RBM20: variants seen among roughly 807,000 people sequenced by gnomAD.
The protein encoded by RBM20 is RNA binding motif protein 20, also known as RNA-binding protein 20.
Under a neutral mutation model 110.1 loss-of-function variants are expected in RBM20, and 51 were observed. The ratio of observed to expected loss-of-function variants is 0.46; its 90% confidence interval spans 0.37 to 0.59. The LOEUF (loss-of-function observed/expected upper bound fraction) is 0.59, where lower values mean the gene tolerates loss of function less well. RBM20 is among the 20% of genes least tolerant of loss of function. RBM20 has a pLI of 0.00. For missense variants in RBM20, 1,512 were observed against 1,574.9 expected, an observed-to-expected ratio of 0.96 and a Z score of 0.68; for synonymous variants, 589 against 618.2, an observed-to-expected ratio of 0.95 and a Z score of 0.70.
intron 1 of RBM20, among the ~76,000 whole-genome samples, chr10:110,708,989 T>C (rs1862883388): frequency 6.6e-6 from 1 of 152,236 alleles, no homozygotes; most frequent in Non-Finnish European, 1.5e-5. Flanking sequence ...AATTTTATTT[T>C]ATTTTGAGTC....
chr10:110,791,907 G>A (rs1235068018), intron 5 of RBM20, among the ~76,000 whole-genome samples: 1 of 54,748 alleles, frequency 1.8e-5, no homozygotes, highest in Non-Finnish European at 5.1e-5. Flanking sequence ...CCTGTCTTAC[G>A]TGTGGCTCCT....
intron 1 of RBM20, among the ~76,000 whole-genome samples, chr10:110,645,713 TAGAA>T (rs1431338338): frequency 3.9e-5 from 6 of 152,318 alleles, no homozygotes; most frequent in African/African-American, 9.6e-5. Context: ...ATTTATCTAA[TAGAA>T]AGAATTGTGA....
intron 1 of RBM20, among the ~76,000 whole-genome samples, chr10:110,757,321 A>T (rs1027644973): frequency 2.0e-5 from 3 of 152,154 alleles, no homozygotes; most frequent in Admixed American, 6.5e-5. Flanking sequence ...GTGACATGTG[A>T]TATGTTTTCC....
At chr10:110,718,629 T>C (rs113585197) in intron 1 of RBM20, among the ~76,000 whole-genome samples, 6 of 148,654 alleles carry the variant, frequency 4.0e-5, no homozygotes, top group Non-Finnish European at 9.0e-5. Flanking sequence ...TTTCTTTTTT[T>C]TTTTTTTAGT....
intron 7 of RBM20, 45 bp from the exon 8 acceptor site, chr10:110,810,338 G>C: frequency 2.1e-6 from 3 of 1,442,712 alleles, no homozygotes; most frequent in Non-Finnish European, 2.9e-6. Context: ...TCAGGTGTTT[G>C]CAAGGCCATC....
rs144707270 is a variant in RBM20 at position 110,837,901 on chromosome 10, T to C, written c.*1923T>C. On this transcript the variant is annotated 3_prime_UTR_variant, in exon 14 of 14. Coordinates refer to ENST00000369519, the MANE Select transcript of RBM20 (RefSeq NM_001134363.3). ...TCATCATCAGGCTATTAAATAAAATTTATAGGAGGCTGTTGGTTTGGACTG... is the reference window on the plus strand; with the variant it reads ...TCATCATCAGGCTATTAAATAAAATCTATAGGAGGCTGTTGGTTTGGACTG... 24 of 152,150 alleles carry C rather than the reference T, an allele frequency of 1.6e-4. No individual in the cohort carries two copies. Among genetic ancestry groups the C allele is most frequent in the African/African-American group, 4.8e-4 (20 of 41,492 alleles). 9.4% of individuals were successfully genotyped at this position (152,150 alleles called of 1,614,324 possible).
intron 1 of RBM20, among the ~76,000 whole-genome samples, chr10:110,660,583 A>G (rs969750581): frequency 6.6e-6 from 1 of 152,170 alleles, no homozygotes; most frequent in East Asian, 1.9e-4. Context: ...CAGTGGTGGC[A>G]TTAGATTCTC....
At chr10:110,812,246 A>G (rs1345766790) in intron 8 of RBM20, 32 bp from the exon 9 acceptor site, 1 of 1,509,288 alleles carries the variant, frequency 6.6e-7, no homozygotes, top group Non-Finnish European at 8.9e-7. Context: ...AGGTGTGAAG[A>G]TTCTAAATCC....
chr10:110,685,995 G>A (rs1182402433), intron 1 of RBM20, among the ~76,000 whole-genome samples: 1 of 152,110 alleles, frequency 6.6e-6, no homozygotes, highest in Non-Finnish European at 1.5e-5. Flanking sequence ...AGCTCGGATG[G>A]GGATCAGTTT....
chr10:110,713,444 A>T (rs1862969377), intron 1 of RBM20, among the ~76,000 whole-genome samples: 1 of 152,232 alleles, frequency 6.6e-6, no homozygotes, highest in Non-Finnish European at 1.5e-5. Flanking sequence ...CAATACGATT[A>T]TAACCCTGAC....
At chr10:110,793,933 T>C (rs1564848133) in intron 5 of RBM20, among the ~76,000 whole-genome samples, 1 of 152,260 alleles carries the variant, frequency 6.6e-6, no homozygotes, top group Non-Finnish European at 1.5e-5. Context: ...ATTATTACCT[T>C]TGAAGACCTT....
intron 5 of RBM20, 95 bp downstream of exon 5, chr10:110,784,984 T>A (rs752428796): frequency 2.8e-5 from 22 of 795,726 alleles, no homozygotes; most frequent in Non-Finnish European, 4.5e-5. Flanking sequence ...TGGAATGCAA[T>A]GGTGCAATCA....
intron 1 of RBM20, among the ~76,000 whole-genome samples, chr10:110,676,834 A>G (rs918140578): frequency 6.6e-6 from 1 of 152,176 alleles, no homozygotes. Context: ...AAATTTGTGG[A>G]TGCAAGAGGC....
chr10:110,789,480 C>A (rs1238528874), intron 5 of RBM20, among the ~76,000 whole-genome samples: 4 of 151,300 alleles, frequency 2.6e-5, no homozygotes, highest in African/African-American at 9.7e-5. Flanking sequence ...TTTATCGAGA[C>A]AGGGTCTCGC....
At chr10:110,815,894 C>G (rs1844831623) in intron 9 of RBM20, among the ~76,000 whole-genome samples, 1 of 152,148 alleles carries the variant, frequency 6.6e-6, no homozygotes, top group Non-Finnish European at 1.5e-5. Context: ...TGGGGCCCCT[C>G]ACAGATTGTG....
Position 110,784,403 on chromosome 10 carries a change from C to G in RBM20, c.1400C>G (p.Thr467Arg), listed in dbSNP as rs775062085. 6 of 1,551,338 alleles carry G rather than the reference C, an allele frequency of 3.9e-6. No individual in the cohort carries two copies. The highest frequency in any genetic ancestry group is 2.4e-5 in the East Asian group (1 of 40,922). Residue 467 changes from threonine (T) to arginine (R), a missense_variant, in exon 4 of 14, where the codon ACA becomes AGA. Transcript: ENST00000369519. ...EGTLCASPNSTAVYNPAGNED... is the reference protein window; with the variant it reads ...EGTLCASPNSRAVYNPAGNED... ...ACATTGTGTGCTTCTCCCAACAGCA[C>G]AGCTGTTTATAACCCTGCTGGGAAT...
intron 1 of RBM20, among the ~76,000 whole-genome samples, chr10:110,768,416 C>T (rs1050930735): frequency 6.6e-6 from 1 of 152,192 alleles, no homozygotes; most frequent in Non-Finnish European, 1.5e-5. Context: ...AACTTCCACC[C>T]ATTTTGGGAA....
At chr10:110,713,083 A>G (rs1862960837) in intron 1 of RBM20, among the ~76,000 whole-genome samples, 1 of 152,168 alleles carries the variant, frequency 6.6e-6, no homozygotes, top group African/African-American at 2.4e-5. Flanking sequence ...TGCTTGCTCT[A>G]TTCTCCCTGC....
At chr10:110,674,719 G>A (rs1862312708) in intron 1 of RBM20, among the ~76,000 whole-genome samples, 1 of 152,206 alleles carries the variant, frequency 6.6e-6, no homozygotes, top group Admixed American at 6.5e-5. Context: ...ACAAGGTCTG[G>A]TGTTTTTGAG....
Sources: gnomAD v4.1 joint callset for allele counts (sites outside exome capture counted in the v4.1 genomes callset) on GRCh38, gnomAD v4.1.1 for gene constraint, MANE v1.5 for transcripts, NCBI Gene and HGNC (gene_info 2026-07-23, HGNC 2026-07-21) for gene names.